The following ZBTB38 variants were observed in gnomAD, a reference collection of about 807,000 sequenced individuals.
The protein encoded by ZBTB38 is zinc finger and BTB domain containing 38.
In ZBTB38, 20 loss-of-function variants were observed where a neutral mutation model predicts 76.8. The observed-to-expected ratio is 0.26, with a 90% CI of 0.18 to 0.38. ZBTB38 has a LOEUF of 0.38. Ranked by LOEUF, ZBTB38 falls within the 10% of genes least tolerant of loss-of-function variation. The probability of loss-of-function intolerance (pLI) is 1.00; values close to 1 mark genes in which losing one functional copy is unlikely to be tolerated. For synonymous variants in ZBTB38, 504 were observed against 544.2 expected (o/e 0.93, Z 1.03); for missense variants, 1,082 against 1,482.3 (o/e 0.73, Z 4.43).
intron 5 of ZBTB38, among the ~76,000 whole-genome samples, chr3:141,429,126 ATAAG>A (rs1473371849): frequency 2.0e-5 from 3 of 152,168 alleles, no homozygotes; most frequent in African/African-American, 4.8e-5. Context: ...CAGACAGACA[ATAAG>A]TAAGTCCATT....
intron 5 of ZBTB38, among the ~76,000 whole-genome samples, chr3:141,435,030 G>A (rs987910709): frequency 7.9e-5 from 12 of 152,114 alleles, no homozygotes; most frequent in Non-Finnish European, 1.3e-4. Context: ...CTACTGTTGA[G>A]GGATGGGGGA....
At position 141,382,046 on chromosome 3, in the gene ZBTB38, G is replaced by A. The variant is rs1946272247; in HGVS notation, c.-172+559G>A. On this transcript the variant is annotated intron_variant, in intron 3 of 5. Transcript: ENST00000321464. Reference sequence around the variant, plus strand: ...AATATGTTGGAAAAAAATCATAATAGCTACTTAGGTTATCTGTTCAGGAGA... The same window carrying A: ...AATATGTTGGAAAAAAATCATAATAACTACTTAGGTTATCTGTTCAGGAGA... Among the ~76,000 whole-genome samples, 3 of 152,218 alleles carry A rather than the reference G, an allele frequency of 2.0e-5. No homozygotes were observed. The South Asian group carries it at 6.2e-4, about 32-fold the overall frequency.
intron 4 of ZBTB38, chr3:141,392,999 T>TC (rs1949336730): frequency 6.6e-6 from 1 of 152,220 alleles, no homozygotes; most frequent in African/African-American, 2.4e-5. Context: ...TTGCACTTTT[T>TC]CCCCCTTAAT....
intron 4 of ZBTB38, chr3:141,389,010 C>T (rs1458560962): frequency 6.6e-6 from 1 of 152,204 alleles, no homozygotes; most frequent in Non-Finnish European, 1.5e-5. Context: ...AATGCTTGTA[C>T]TCTTGCCTTC....
At chr3:141,352,553 T>G (rs1320942183) in intron 1 of ZBTB38, among the ~76,000 whole-genome samples, 2 of 151,996 alleles carry the variant, frequency 1.3e-5, no homozygotes, top group East Asian at 3.8e-4. Flanking sequence ...CCAGCTAGGG[T>G]TGGCTCAAGG....
intron 1 of ZBTB38, among the ~76,000 whole-genome samples, chr3:141,343,670 G>A (rs1482207569): frequency 3.3e-5 from 5 of 152,130 alleles, no homozygotes; most frequent in Admixed American, 1.3e-4. Context: ...AGCTGGGACC[G>A]ACACAGAAAA....
intron 5 of ZBTB38, among the ~76,000 whole-genome samples, chr3:141,439,956 T>C (rs1263774185): frequency 6.6e-6 from 1 of 152,218 alleles, no homozygotes; most frequent in African/African-American, 2.4e-5. Context: ...ATGCTATTGA[T>C]CTGTGACCCA....
chr3:141,361,096 C>T (rs1429790887), intron 1 of ZBTB38, among the ~76,000 whole-genome samples: 1 of 152,172 alleles, frequency 6.6e-6, no homozygotes, highest in African/African-American at 2.4e-5. Context: ...TTTTCCTCTC[C>T]TCTTGACTTT....
intron 5 of ZBTB38, among the ~76,000 whole-genome samples, chr3:141,409,038 T>G (rs1298284018): frequency 6.6e-6 from 1 of 152,058 alleles, no homozygotes. Context: ...GATGGGAGTT[T>G]ATTTTTTTTT....
chr3:141,418,419 C>A (rs148692623), intron 5 of ZBTB38, among the ~76,000 whole-genome samples: 4 of 152,196 alleles, frequency 2.6e-5, no homozygotes, highest in African/African-American at 7.2e-5. Flanking sequence ...GCGAGCCCCC[C>A]CTCCCTTGCA....
intron 5 of ZBTB38, among the ~76,000 whole-genome samples, chr3:141,433,691 G>C (rs1409975065): frequency 6.6e-6 from 1 of 152,302 alleles, no homozygotes; most frequent in African/African-American, 2.4e-5. Context: ...ATATTTTAAA[G>C]TCTGGCTTGA....
intron 2 of ZBTB38, among the ~76,000 whole-genome samples, chr3:141,374,935 A>G (rs1485649762): frequency 6.6e-6 from 1 of 152,202 alleles, no homozygotes; most frequent in Non-Finnish European, 1.5e-5. Context: ...ATTAAAATGC[A>G]TGCTGCTAGG....
At chr3:141,426,547 C>A (rs114008632) in intron 5 of ZBTB38, among the ~76,000 whole-genome samples, 24 of 152,090 alleles carry the variant, frequency 1.6e-4, no homozygotes, top group African/African-American at 5.6e-4. Flanking sequence ...AGGGAGCAGA[C>A]GCCAGAAGGA....
intron 4 of ZBTB38, among the ~76,000 whole-genome samples, chr3:141,400,275 T>C (rs557089828): frequency 1.3e-5 from 2 of 152,320 alleles, no homozygotes; most frequent in South Asian, 4.1e-4. Flanking sequence ...GCTGTGATAT[T>C]TTAGTTATTA....
chr3:141,338,007 C>G (rs1488349802), intron 1 of ZBTB38, among the ~76,000 whole-genome samples: 2 of 152,062 alleles, frequency 1.3e-5, no homozygotes, highest in Admixed American at 6.6e-5. Flanking sequence ...CATCAGTAAA[C>G]AAGGTAGTAA....
Position 141,444,251 on chromosome 3 carries a change from T to C in ZBTB38, c.1863T>C (p.Thr621=), listed in dbSNP as rs1307443308. ...TACCAACGCTGAATTTCCAAGATAC[T>C]GTAAACACCCTGACCAACAGTCCAG... is the stretch of plus-strand genomic sequence containing the variant. ...SELPTLNFQD[T]VNTLTNSPAI... The change falls in exon 6 of 6, where the codon ACT becomes ACC. Residue 621 remains threonine (T), a synonymous_variant. Transcript: ENST00000321464. This position sits in a 1 kb window ranked among gnomAD's most constrained non-coding sequence, Gnocchi z 5.1. The C allele has an allele frequency of 1.2e-5, 19 of 1,614,196 alleles. No homozygotes were observed. The highest frequency in any genetic ancestry group is 1.5e-5 in the Non-Finnish European group (18 of 1,180,040).
intron 5 of ZBTB38, among the ~76,000 whole-genome samples, chr3:141,408,401 G>A (rs1433326690): frequency 1.3e-5 from 2 of 152,148 alleles, no homozygotes; most frequent in Non-Finnish European, 2.9e-5. Context: ...ACAAAAATTA[G>A]CCAGGCATGG....
At chr3:141,360,850 G>A (rs1328085490) in intron 1 of ZBTB38, among the ~76,000 whole-genome samples, 3 of 152,170 alleles carry the variant, frequency 2.0e-5, no homozygotes, top group Non-Finnish European at 4.4e-5. Flanking sequence ...GTTGCCAAAC[G>A]TTTTCCAGGG....
At chr3:141,325,192 A>G (rs958789852) in intron 1 of ZBTB38, among the ~76,000 whole-genome samples, 1 of 152,240 alleles carries the variant, frequency 6.6e-6, no homozygotes, top group Non-Finnish European at 1.5e-5. Flanking sequence ...CACTGAGGAA[A>G]TTTACAAATA....
Sources: gnomAD v4.1 joint callset for allele counts (sites outside exome capture counted in the v4.1 genomes callset) on GRCh38, gnomAD v4.1.1 for gene constraint, Gnocchi (gnomAD v3.1) non-coding constraint, MANE v1.5 for transcripts, NCBI Gene and HGNC (gene_info 2026-07-23, HGNC 2026-07-21) for gene names.